SH3PXD2A: variants seen among roughly 807,000 people sequenced by gnomAD.
SH3PXD2A encodes SH3 and PX domain-containing protein 2A.
SH3PXD2A carries 32 observed loss-of-function variants against 115.2 expected under a neutral mutation model. That is an observed-to-expected ratio of 0.28 (90% confidence interval 0.21 to 0.37). The LOEUF is 0.37. Among genes scored for constraint, SH3PXD2A ranks in the 10% least tolerant of loss-of-function variants. SH3PXD2A has a pLI of 1.00. For missense variants in SH3PXD2A, 1,328 were observed against 1,498.7 expected (o/e 0.89, Z 1.88); for synonymous variants, 610 against 629.1 (o/e 0.97, Z 0.45).
intron 1 of SH3PXD2A, among the ~76,000 whole-genome samples, chr10:103,845,215 C>T (rs1473418669): frequency 6.6e-6 from 1 of 150,808 alleles, no homozygotes; most frequent in East Asian, 1.9e-4. Context: ...CCTGTAATAC[C>T]AGCTACTCGG....
chr10:103,749,943 A>G (rs2038555146), intron 3 of SH3PXD2A: 1 of 152,230 alleles, frequency 6.6e-6, no homozygotes, highest in Admixed American at 6.5e-5. Flanking sequence ...ACTGCAGTCA[A>G]GCCTTCAGCT....
chr10:103,848,452 G>T (rs1215559079), intron 1 of SH3PXD2A, among the ~76,000 whole-genome samples: 1 of 152,116 alleles, frequency 6.6e-6, no homozygotes, highest in Non-Finnish European at 1.5e-5. Context: ...TGACTATTTA[G>T]CTCCCTCTCC....
intron 1 of SH3PXD2A, among the ~76,000 whole-genome samples, chr10:103,812,658 G>T (rs2039281665): frequency 6.6e-6 from 1 of 152,082 alleles, no homozygotes; most frequent in Admixed American, 6.5e-5. Flanking sequence ...CTTTTCCTGG[G>T]AAACACAGCA....
chr10:103,708,763 G>C (rs560155264), intron 5 of SH3PXD2A, among the ~76,000 whole-genome samples: 1 of 152,252 alleles, frequency 6.6e-6, no homozygotes, highest in East Asian at 1.9e-4. Context: ...ATTATTTCCT[G>C]TCTTGGGCAG....
At chr10:103,671,575 C>G (rs767051513) in intron 6 of SH3PXD2A, among the ~76,000 whole-genome samples, 5 of 152,242 alleles carry the variant, frequency 3.3e-5, no homozygotes, top group Non-Finnish European at 5.9e-5. Context: ...AAAGTCCCTC[C>G]CCCTTCTCTC....
chr10:103,816,871 T>C (rs1007554573), intron 1 of SH3PXD2A, among the ~76,000 whole-genome samples: 3 of 152,144 alleles, frequency 2.0e-5, no homozygotes, highest in Non-Finnish European at 4.4e-5. Flanking sequence ...AGAGTCTTGC[T>C]CTGTCGTCCA....
At chr10:103,630,452 ATC>A (rs2036761857) in intron 8 of SH3PXD2A, among the ~76,000 whole-genome samples, 1 of 152,278 alleles carries the variant, frequency 6.6e-6, no homozygotes, top group South Asian at 2.1e-4. Context: ...TTAGTCTGTC[ATC>A]TCTCTGGACA....
chr10:103,748,729 GGA>G (rs1424066724), intron 3 of SH3PXD2A, among the ~76,000 whole-genome samples: 1 of 152,164 alleles, frequency 6.6e-6, no homozygotes, highest in Admixed American at 6.5e-5. Context: ...GAAGCTGAAG[GGA>G]GTCCAGTGGG....
intron 13 of SH3PXD2A, 64 bp from the exon 14 acceptor site, chr10:103,605,981 G>A (rs999882547): frequency 2.5e-6 from 4 of 1,587,122 alleles, no homozygotes; most frequent in Non-Finnish European, 2.6e-6. Flanking sequence ...TTGGCCAAGG[G>A]TTGGTCCCCA....
intron 8 of SH3PXD2A, among the ~76,000 whole-genome samples, chr10:103,655,392 G>A (rs1287825638): frequency 6.6e-6 from 1 of 152,192 alleles, no homozygotes. Flanking sequence ...AGGCGAATGT[G>A]GAAGTCTGAA....
At chr10:103,699,014 G>T (rs1364151313) in intron 5 of SH3PXD2A, among the ~76,000 whole-genome samples, 1 of 152,170 alleles carries the variant, frequency 6.6e-6, no homozygotes, top group East Asian at 1.9e-4. Flanking sequence ...GGGCTTTGAT[G>T]TCTGGCTGTG....
chr10:103,728,843 T>C (rs2038275395), intron 4 of SH3PXD2A, among the ~76,000 whole-genome samples: 6 of 151,924 alleles, frequency 3.9e-5, no homozygotes, highest in Admixed American at 1.3e-4. Context: ...CATAATTCCC[T>C]GAGGCCTCAC....
At chr10:103,805,940 C>T (rs546097820) in intron 1 of SH3PXD2A, among the ~76,000 whole-genome samples, 6 of 152,226 alleles carry the variant, frequency 3.9e-5, no homozygotes, top group Non-Finnish European at 7.3e-5. Flanking sequence ...AGATACACCC[C>T]GCTGGAGAGC....
intron 3 of SH3PXD2A, chr10:103,736,886 C>G (rs2038387074): frequency 5.2e-6 from 4 of 762,366 alleles, no homozygotes; most frequent in Admixed American, 2.3e-5. Flanking sequence ...AGCCACACCC[C>G]CTAGCAACAA....
intron 1 of SH3PXD2A, among the ~76,000 whole-genome samples, chr10:103,821,596 A>G (rs867432661): frequency 2.6e-5 from 4 of 152,186 alleles, no homozygotes; most frequent in African/African-American, 9.7e-5. Flanking sequence ...TCTGTCACCC[A>G]GGCTGGAGTG....
At chr10:103,851,753 G>A (rs1238472173) in intron 1 of SH3PXD2A, among the ~76,000 whole-genome samples, 1 of 152,160 alleles carries the variant, frequency 6.6e-6, no homozygotes, top group Non-Finnish European at 1.5e-5. Context: ...CTGCTAAACT[G>A]GCTATTATTT....
At chr10:103,848,470 G>C (rs868420042) in intron 1 of SH3PXD2A, among the ~76,000 whole-genome samples, 59 of 152,160 alleles carry the variant, frequency 3.9e-4, no homozygotes, top group African/African-American at 1.4e-3. Context: ...TCCCTGCCAA[G>C]CCCTTGGGAG....
chr10:103,632,703 C>T (rs1407651253), intron 8 of SH3PXD2A, among the ~76,000 whole-genome samples: 5 of 152,130 alleles, frequency 3.3e-5, no homozygotes, highest in African/African-American at 1.2e-4. Flanking sequence ...GGGCCGGGCG[C>T]GGTGGCTCAC....
At chr10:103,732,128 C>T (rs1402202524) in intron 4 of SH3PXD2A, among the ~76,000 whole-genome samples, 1 of 152,210 alleles carries the variant, frequency 6.6e-6, no homozygotes, top group African/African-American at 2.4e-5. Context: ...TGCTCATTCT[C>T]AAACACTCTC....
Sources: gnomAD v4.1 joint callset for allele counts (sites outside exome capture counted in the v4.1 genomes callset) on GRCh38, gnomAD v4.1.1 for gene constraint, MANE v1.5 for transcripts, NCBI Gene and HGNC (gene_info 2026-07-23, HGNC 2026-07-21) for gene names.